The following CIZ1 variants were observed in gnomAD, a reference collection of about 807,000 sequenced individuals.
The protein encoded by CIZ1 is cip1-interacting zinc finger protein.
In CIZ1, 58 loss-of-function variants were observed where a neutral mutation model predicts 118.6. That is an observed-to-expected ratio of 0.49 (90% CI 0.40 to 0.61). CIZ1 has a LOEUF of 0.61. Ranked by LOEUF, CIZ1 falls within the 20% of genes least tolerant of loss-of-function variation. The pLI is 0.00. For synonymous variants in CIZ1, 448 were observed against 443.4 expected (o/e 1.01, Z -0.13); for missense variants, 921 against 1,115.9 (o/e 0.83, Z 2.49).
chr9:128,176,476 C>T lies in CIZ1; in HGVS notation c.1819-1G>A. On this transcript the variant is annotated splice_acceptor_variant, in intron 10 of 16. Transcript: ENST00000372938. LOFTEE classifies it high-confidence loss of function. ...GCTCCGACATGTGGTCCTGGAACTC[C>T]TGCAGCAGGAGGGAAAGAGGGATGG... 6.2e-7 allele frequency: 1 copy of T among 1,612,716 alleles called. No individual in the cohort carries two copies. Among genetic ancestry groups the T allele is most frequent in the Non-Finnish European group, 8.5e-7 (1 of 1,179,752 alleles).
chr9:128,180,502 G>A lies in CIZ1; in HGVS notation c.704C>T (p.Pro235Leu). ...TPEDQDLPPCPEDIAKEKRTP... is the reference protein window; with the variant it reads ...TPEDQDLPPCLEDIAKEKRTP... ...GCGTTTTTCCTTGGCGATGTCCTCTGGGCAGGGCGGTAAATCTTGGTCTGG... is the reference window on the plus strand; with the variant it reads ...GCGTTTTTCCTTGGCGATGTCCTCTAGGCAGGGCGGTAAATCTTGGTCTGG... Residue 235 changes from proline to leucine, a missense_variant, in exon 7 of 17, where the codon CCA (proline) becomes CTA (leucine). Physicochemically the swap from Pro to Leu is moderately conservative, Grantham distance 98. Coordinates refer to ENST00000372938, the MANE Select transcript of CIZ1 (RefSeq NM_001131016.2). The A allele has an allele frequency of 1.2e-6, 2 of 1,614,024 alleles. No homozygotes were observed. Among genetic ancestry groups the A allele is most frequent in the Non-Finnish European group, 1.7e-6 (2 of 1,179,964 alleles).
At chr9:128,178,522 G>A in intron 8 of CIZ1, 32 bp from the exon 9 acceptor site, 2 of 1,613,986 alleles carry the variant, frequency 1.2e-6, no homozygotes, top group South Asian at 1.1e-5. Flanking sequence ...ATTTCCCAGA[G>A]TCCCCAGGCC....
chr9:128,193,937 G>A (rs970706914), upstream of CIZ1, among the ~76,000 whole-genome samples: 3 of 152,160 alleles, frequency 2.0e-5, no homozygotes, highest in African/African-American at 7.2e-5. Flanking sequence ...ACTGGCACCT[G>A]GCACAGAAGG....
At chr9:128,186,610 A>G (rs753344782) in intron 4 of CIZ1, among the ~76,000 whole-genome samples, 1 of 151,962 alleles carries the variant, frequency 6.6e-6, no homozygotes, top group Non-Finnish European at 1.5e-5. Flanking sequence ...CTGCCCAAAC[A>G]CTTCCATAGC....
chr9:128,193,008 T>C (rs919323888), upstream of CIZ1, among the ~76,000 whole-genome samples: 1 of 152,114 alleles, frequency 6.6e-6, no homozygotes, highest in Admixed American at 6.5e-5. Flanking sequence ...CGGAGGGCGC[T>C]CGGGCAGCAG....
chr9:128,202,362 T>C (rs758301216), intron 1 of CIZ1, among the ~76,000 whole-genome samples: 12 of 152,314 alleles, frequency 7.9e-5, no homozygotes, highest in Non-Finnish European at 1.6e-4. Context: ...CCATGGTCTG[T>C]CTGTGTGAAA....
upstream of CIZ1, among the ~76,000 whole-genome samples, chr9:128,193,843 G>A (rs560558523): frequency 2.0e-5 from 3 of 152,340 alleles, no homozygotes; most frequent in Admixed American, 2.0e-4. Flanking sequence ...CTGGCTGGGG[G>A]AGAGGCCTCT....
At chr9:128,190,921 C>G (rs1833056241) in intron 1 of CIZ1, 59 bp from the exon 2 acceptor site, 1 of 1,476,648 alleles carries the variant, frequency 6.8e-7, no homozygotes, top group South Asian at 1.3e-5. Flanking sequence ...GCCTGCTCCC[C>G]TCCCATCCAC....
Position 128,180,466 on chromosome 9 carries a change from G to A in CIZ1, c.740C>T (p.Pro247Leu). 1 of 1,614,186 alleles carries A rather than the reference G, an allele frequency of 6.2e-7. No homozygotes were observed. Among genetic ancestry groups the A allele is most frequent in the Non-Finnish European group, 8.5e-7 (1 of 1,180,032 alleles). Reference sequence around the variant, plus strand: ...GGACGCCTCACAAGGCTCAGGCTCAGGTGCTGGAGTGCGTTTTTCCTTGGC... The same window carrying A: ...GGACGCCTCACAAGGCTCAGGCTCAAGTGCTGGAGTGCGTTTTTCCTTGGC... ...DIAKEKRTPA[P>L]EPEPCEASEL... The change falls in exon 7 of 17, where the codon CCT becomes CTT. Residue 247 changes from proline (P) to leucine (L), a missense_variant. Pro to Leu is a moderately conservative substitution (Grantham distance 98, BLOSUM62 -3). Coordinates refer to ENST00000372938, the MANE Select transcript of CIZ1 (RefSeq NM_001131016.2).
In CIZ1 at chr9:128,178,980, G is replaced by A. The variant is rs45559035; in HGVS notation, c.1227C>T (p.Pro409=). The change falls in exon 8 of 17, where the codon CCC becomes CCT. Residue 409 remains proline, a synonymous_variant. Transcript: ENST00000372938. ...PLKQVQPQVQ[P]QAHSQPPRQV... is the part of the protein sequence containing the mutation. ...GCCTTGGGGGCTGTGAATGTGCCTG[G>A]GGCTGCACCTGTGGCTGCACCTGCT... The A allele has an allele frequency of 6.2e-7, 1 of 1,613,510 alleles. No homozygotes were observed. The highest frequency in any genetic ancestry group is 1.1e-5 in the South Asian group (1 of 91,040).
upstream of CIZ1, among the ~76,000 whole-genome samples, chr9:128,194,899 C>A (rs1833340166): frequency 6.6e-6 from 1 of 152,188 alleles, no homozygotes; most frequent in Non-Finnish European, 1.5e-5. Context: ...CTCACTGCAG[C>A]CTTTCCCTCC....
chr9:128,193,901 A>G (rs2131039841), upstream of CIZ1, among the ~76,000 whole-genome samples: 1 of 152,284 alleles, frequency 6.6e-6, no homozygotes, highest in East Asian at 1.9e-4. Context: ...CCGGGGTGGT[A>G]AGGATGACAT....
chr9:128,190,462 G>T lies in CIZ1; in HGVS notation c.171-18C>A, dbSNP rs1247220766. On this transcript the variant is annotated intron_variant, in intron 2 of 16. Coordinates refer to ENST00000372938, the MANE Select transcript of CIZ1 (RefSeq NM_001131016.2). Reference sequence around the variant, plus strand: ...GGAGCCCCCTGTGTGTTGGGAGGGGGTGTCAGAGGGTTATTTGGAAAGTCA... The same window carrying T: ...GGAGCCCCCTGTGTGTTGGGAGGGGTTGTCAGAGGGTTATTTGGAAAGTCA... 1.3e-6 allele frequency: 2 copies of T among 1,569,360 alleles called. No individual in the cohort carries two copies. Among genetic ancestry groups the T allele is most frequent in the Admixed American group, 3.4e-5 (2 of 58,300 alleles).
Position 128,170,078 on chromosome 9 carries a change from G to A in CIZ1, c.1973C>T (p.Thr658Ile). ...GTCCCCCATGTAGTAGAGCTGGCAG[G>A]TGTTGCACCAGCGCCTTGGTGGAGG... is the stretch of plus-strand genomic sequence containing the variant. The part of the protein sequence containing the change: ...EEPPPRRWCN[T>I]CQLYYMGDLI... Residue 658 changes from threonine (T) to isoleucine (I), a missense_variant, in exon 12 of 17, where the codon ACC becomes ATC. Physicochemically the swap from Thr to Ile is moderately conservative, Grantham distance 89. Transcript: ENST00000372938. 6.2e-7 allele frequency: 1 copy of A among 1,613,656 alleles called. No individual in the cohort carries two copies. Among genetic ancestry groups the A allele is most frequent in the Non-Finnish European group, 8.5e-7 (1 of 1,179,892 alleles).
intron 1 of CIZ1, among the ~76,000 whole-genome samples, chr9:128,202,469 C>T (rs1011894392): frequency 6.6e-6 from 1 of 152,188 alleles, no homozygotes; most frequent in African/African-American, 2.4e-5. Context: ...AAGACTTCCA[C>T]TCTCTAGGAC....
intron 3 of CIZ1, among the ~76,000 whole-genome samples, chr9:128,189,824 C>CAAAAAAAAAA (rs56177059): frequency 1.2e-4 from 5 of 42,244 alleles, no homozygotes; most frequent in Admixed American, 4.1e-4. Context: ...AACTCTGTCT[C>CAAAAAAAAAA]AAAAAAAAAA....
chr9:128,181,962 T>G (rs1472987214), intron 5 of CIZ1, among the ~76,000 whole-genome samples: 3 of 152,256 alleles, frequency 2.0e-5, no homozygotes, highest in Non-Finnish European at 4.4e-5. Flanking sequence ...TGGCTCTGCC[T>G]TCCAGATAGT....
At chr9:128,180,168 T>G (rs2130962497) in intron 7 of CIZ1, among the ~76,000 whole-genome samples, 1 of 152,230 alleles carries the variant, frequency 6.6e-6, no homozygotes, top group Non-Finnish European at 1.5e-5. Flanking sequence ...TCTTCACCCC[T>G]CCCACGCAGC....
chr9:128,199,378 A>T (rs76355731), intron 1 of CIZ1, among the ~76,000 whole-genome samples: 1 of 151,090 alleles, frequency 6.6e-6, no homozygotes. Context: ...AAAAAAAAAA[A>T]TTCTGCCCAG....
Sources: gnomAD v4.1 joint callset for allele counts (sites outside exome capture counted in the v4.1 genomes callset) on GRCh38, gnomAD v4.1.1 for gene constraint, MANE v1.5 for transcripts, NCBI Gene and HGNC (gene_info 2026-07-23, HGNC 2026-07-21) for gene names.